The following CAPN13 variants were observed in gnomAD, a reference collection of about 807,000 sequenced individuals.
CAPN13 encodes the protein calpain 13.
In CAPN13, 90 loss-of-function variants were observed where a neutral mutation model predicts 98.4. The ratio of observed to expected loss-of-function variants is 0.92; its 90% CI spans 0.77 to 1.09. The LOEUF (loss-of-function observed/expected upper bound fraction) is 1.09, where lower values mean the gene tolerates loss of function less well. Ranked by LOEUF, CAPN13 falls within the 50% of genes least tolerant of loss-of-function variation. The probability of loss-of-function intolerance (pLI) is 0.00; values close to 1 mark genes in which losing one functional copy is unlikely to be tolerated. For synonymous variants in CAPN13, 330 were observed against 305.5 expected, an observed-to-expected ratio of 1.08 and a Z score of -0.84; for missense variants, 887 against 841.3, an observed-to-expected ratio of 1.05 and a Z score of -0.67.
intron 1 of CAPN13, among the ~76,000 whole-genome samples, chr2:30,788,103 G>C (rs1253168200): frequency 6.6e-6 from 1 of 152,110 alleles, no homozygotes; most frequent in Non-Finnish European, 1.5e-5. Context: ...AGGAAAAAAA[G>C]AAAACGAAGA....
chr2:30,741,360 C>T lies in CAPN13; in HGVS notation c.1536+548G>A, dbSNP rs903761266. The T allele has an allele frequency of 1.2e-4, 119 of 984,430 alleles. 1 individual carries two copies. In the African/African-American group the frequency reaches 1.8e-3, roughly 15 times the overall value. The allele number at this position is 984,430 out of a possible 1,614,324, so 61.0% of individuals were successfully genotyped here. A position where few individuals can be genotyped will look rare whatever the true frequency, so the allele number is the denominator to read the frequency against. ...CATCGGTATCACTTTCCACTTTCCA[C>T]ACTAACACAATTATTAACGGTAAGA... On this transcript the variant is annotated intron_variant, in intron 15 of 22. Coordinates refer to ENST00000295055, the MANE Select transcript of CAPN13 (RefSeq NM_144575.3).
chr2:30,779,105 G>A (rs748691050), intron 2 of CAPN13, among the ~76,000 whole-genome samples: 1 of 152,190 alleles, frequency 6.6e-6, no homozygotes, highest in African/African-American at 2.4e-5. Flanking sequence ...AAGAGATGGA[G>A]GCTGTGGCAT....
intron 1 of CAPN13, among the ~76,000 whole-genome samples, chr2:30,787,793 A>C (rs979653049): frequency 6.6e-6 from 1 of 152,106 alleles, no homozygotes; most frequent in African/African-American, 2.4e-5. Flanking sequence ...GAAGTGTTGG[A>C]TGACATTGCC....
chr2:30,785,389 G>A (rs1674219677), intron 2 of CAPN13, among the ~76,000 whole-genome samples: 2 of 152,178 alleles, frequency 1.3e-5, no homozygotes. Flanking sequence ...GGTAAGTCTT[G>A]TCAACTGTGA....
rs1286530880 is a variant in CAPN13 at position 30,732,553 on chromosome 2, C to T, written c.1812G>A (p.Gly604=). 1.9e-6 allele frequency: 3 copies of T among 1,608,608 alleles called. No homozygotes were observed. In the East Asian group the frequency reaches 6.7e-5, roughly 36 times the overall value. The change falls in exon 20 of 23, where the codon GGG becomes GGA. Residue 604 remains glycine (G), a synonymous_variant. Coordinates refer to ENST00000295055, the MANE Select transcript of CAPN13 (RefSeq NM_144575.3). The part of the protein sequence containing the change: ...KAIENTDFLR[G]IFISRELLHL... The stretch of plus-strand genomic sequence containing the variant: ...GCAGCAGCTCACGGCTGATGAAGAT[C>T]CCTCTGAGGAAGTCTGGGGCCACAG...
intron 11 of CAPN13, among the ~76,000 whole-genome samples, chr2:30,750,807 T>G (rs1002537641): frequency 1.3e-5 from 2 of 152,242 alleles, no homozygotes; most frequent in African/African-American, 4.8e-5. Flanking sequence ...ACAGCTGGTC[T>G]TGGCCCAGAC....
At chr2:30,765,241 C>T (rs145830909) in intron 5 of CAPN13, among the ~76,000 whole-genome samples, 60 of 152,266 alleles carry the variant, frequency 3.9e-4, no homozygotes, top group Admixed American at 2.5e-3. Context: ...GAATTGGAAG[C>T]GTTCCATGGA....
intron 2 of CAPN13, among the ~76,000 whole-genome samples, chr2:30,781,005 A>G (rs1673959534): frequency 6.6e-6 from 1 of 152,238 alleles, no homozygotes; most frequent in African/African-American, 2.4e-5. Flanking sequence ...ACTGCCAGCA[A>G]TGGGCAGTCT....
intron 1 of CAPN13, among the ~76,000 whole-genome samples, chr2:30,797,824 T>A (rs536979417): frequency 2.6e-5 from 4 of 152,362 alleles, no homozygotes; most frequent in South Asian, 4.1e-4. Context: ...CCTCTGGCCC[T>A]AAGCCATGCT....
intron 11 of CAPN13, among the ~76,000 whole-genome samples, chr2:30,747,313 G>A (rs867438839): frequency 1.3e-5 from 2 of 152,092 alleles, no homozygotes; most frequent in Non-Finnish European, 2.9e-5. Context: ...GCTGGGAATC[G>A]GGGAAGCTGT....
intron 11 of CAPN13, among the ~76,000 whole-genome samples, chr2:30,749,850 T>C (rs1558306411): frequency 2.0e-5 from 3 of 152,210 alleles, no homozygotes; most frequent in Admixed American, 6.5e-5. Context: ...ATGCAGTGAA[T>C]TGTTTGGAGG....
rs572779338 is a variant in CAPN13, at chr2:30,741,677, C to T, written c.1536+231G>A. The T allele has an allele frequency of 1.2e-5, 17 of 1,384,924 alleles. No homozygotes were observed. The South Asian group carries it at 2.8e-4, about 23-fold the overall frequency. 85.8% of individuals were successfully genotyped at this position (1,384,924 alleles called of 1,614,324 possible). On this transcript the variant is annotated intron_variant, in intron 15 of 22. Transcript: ENST00000295055. ...CATAATTATCCCCTCCCTTTCTAAG[C>T]TCTGCATTCCAGCTTGAAGTCCCCC...
intron 18 of CAPN13, among the ~76,000 whole-genome samples, chr2:30,735,262 G>A (rs1003311105): frequency 6.6e-6 from 1 of 152,150 alleles, no homozygotes; most frequent in Non-Finnish European, 1.5e-5. Flanking sequence ...GGAACATTTT[G>A]CCTTGGATGA....
chr2:30,746,771 T>C (rs1307055586), intron 11 of CAPN13: 1 of 158,374 alleles, frequency 6.3e-6, no homozygotes, highest in African/African-American at 2.4e-5. Context: ...TCACTCATGC[T>C]CTGTGTGAGG....
At chr2:30,749,351 G>A (rs10211389) in intron 11 of CAPN13, among the ~76,000 whole-genome samples, 48,893 of 152,008 alleles carry the variant, frequency 0.32, 8,323 homozygotes, top group African/African-American at 0.43. Context: ...AATACGTCTC[G>A]TCCAAAGCAT....
intron 8 of CAPN13, among the ~76,000 whole-genome samples, chr2:30,757,603 A>G (rs1362612754): frequency 6.6e-6 from 1 of 152,168 alleles, no homozygotes; most frequent in Non-Finnish European, 1.5e-5. Context: ...CACCCTGATG[A>G]TGTGACATGC....
At chr2:30,732,310 A>G (rs2593433) in intron 20 of CAPN13, 128 bp downstream of exon 20, 476,804 of 1,191,462 alleles carry the variant, frequency 0.4, 96,537 homozygotes, top group East Asian at 0.5. Flanking sequence ...GGCACCTCAC[A>G]CAGGCTGCTG....
At chr2:30,730,397 A>G (rs1391699829) in intron 22 of CAPN13, among the ~76,000 whole-genome samples, 1 of 152,166 alleles carries the variant, frequency 6.6e-6, no homozygotes, top group Non-Finnish European at 1.5e-5. Flanking sequence ...CTGTTGCTCT[A>G]CACCATTCCA....
rs575430586 is a variant in CAPN13, at chr2:30,778,830, G to A, written c.199-1191C>T. Among the ~76,000 whole-genome samples, 7 of 152,290 alleles carry A rather than the reference G, an allele frequency of 4.6e-5. No individual in the cohort carries two copies. In the East Asian group the frequency reaches 1.4e-3, roughly 29 times the overall value. ...AACTCTCAGGCCCAGGCCCTCCCGG[G>A]TGAGGGGGACCCTGGGGTGGCACCA... is the stretch of plus-strand genomic sequence containing the variant. On this transcript the variant is annotated intron_variant, in intron 2 of 22. Transcript: ENST00000295055.
Sources: allele counts gnomAD v4.1 joint callset (sites outside exome capture counted in the v4.1 genomes callset), GRCh38; gene constraint gnomAD v4.1.1; transcripts MANE v1.5; gene names NCBI Gene and HGNC (gene_info 2026-07-23, HGNC 2026-07-21).